The following VCAN variants were observed in gnomAD, a reference collection of about 807,000 sequenced individuals.
VCAN encodes versican, also known as versican core protein.
A neutral mutation model predicts 245.5 loss-of-function variants in VCAN; 44 were observed. The ratio of observed to expected loss-of-function variants is 0.18; its 90% CI spans 0.14 to 0.23. The LOEUF (loss-of-function observed/expected upper bound fraction) is 0.23, where lower values mean the gene tolerates loss of function less well. Ranked by LOEUF, VCAN falls within the 10% of genes least tolerant of loss-of-function variation. VCAN has a pLI of 1.00. For synonymous variants in VCAN, 1,413 were observed against 1,437.0 expected (o/e 0.98, Z 0.38); for missense variants, 3,793 against 4,057.9 (o/e 0.93, Z 1.77).
intron 12 of VCAN, among the ~76,000 whole-genome samples, chr5:83,571,480 AG>A (rs1428388243): frequency 7.2e-5 from 11 of 152,162 alleles, no homozygotes; most frequent in Admixed American, 7.2e-4. Context: ...CATCTATTAT[AG>A]ATGCTAAATA....
chr5:83,485,681 T>C (rs1306958624), intron 2 of VCAN, among the ~76,000 whole-genome samples: 3 of 152,004 alleles, frequency 2.0e-5, no homozygotes, highest in Admixed American at 6.6e-5. Flanking sequence ...GAGGAGTCAG[T>C]CCATCCACTG....
intron 7 of VCAN, chr5:83,534,307 GT>G (rs1746625562): frequency 6.6e-6 from 1 of 152,040 alleles, no homozygotes; most frequent in African/African-American, 2.4e-5. Context: ...TGGCCTAGGA[GT>G]TTGTAAATAT....
chr5:83,518,469 G>T (rs1745943299), intron 6 of VCAN, among the ~76,000 whole-genome samples: 1 of 152,132 alleles, frequency 6.6e-6, no homozygotes, highest in South Asian at 2.1e-4. Context: ...CCAGTGATTT[G>T]TAATTACAGA....
chr5:83,519,297 C>T (rs1745978129), intron 6 of VCAN, 52 bp from the exon 7 acceptor site: 1 of 1,596,278 alleles, frequency 6.3e-7, no homozygotes, highest in Non-Finnish European at 8.6e-7. Context: ...ACTGGGCATA[C>T]AAGTTTTTAT....
At chr5:83,506,591 C>T (rs1204650515) in intron 5 of VCAN, among the ~76,000 whole-genome samples, 4 of 152,178 alleles carry the variant, frequency 2.6e-5, no homozygotes, top group African/African-American at 9.7e-5. Flanking sequence ...CCACATTTTC[C>T]TCTCTTCTTC....
chr5:83,495,686 T>G (rs1290482287), intron 5 of VCAN, among the ~76,000 whole-genome samples: 1 of 152,228 alleles, frequency 6.6e-6, no homozygotes, highest in Non-Finnish European at 1.5e-5. Flanking sequence ...ACAAGGGTGA[T>G]AGTTATAAAC....
At position 83,539,214 on chromosome 5, in the gene VCAN, G is replaced by A; in HGVS notation, c.6211G>A (p.Ala2071Thr). Residue 2071 changes from alanine to threonine, a missense_variant, in exon 8 of 15, where the codon GCT becomes ACT. This residue lies in a region of VCAN where 3,182 missense variants were observed against 3,250.3 expected (regional missense o/e 0.98). Coordinates refer to ENST00000265077, the MANE Select transcript of VCAN (RefSeq NM_004385.5). ...AACAGCAGAAGTGGAAGGTACGAAA[G>A]CTCCAGTAGAGAAGGAGGAAGTAAA... Reference protein sequence around the residue: ...LPTAEVEGTKAPVEKEEVKVS... With the variant: ...LPTAEVEGTKTPVEKEEVKVS... 2 of 1,614,032 alleles carry A rather than the reference G, an allele frequency of 1.2e-6. No individual in the cohort carries two copies. The highest frequency in any genetic ancestry group is 2.2e-5 in the East Asian group (1 of 44,860).
intron 6 of VCAN, among the ~76,000 whole-genome samples, chr5:83,514,138 A>G (rs1480664656): frequency 1.3e-5 from 2 of 152,218 alleles, no homozygotes; most frequent in Non-Finnish European, 2.9e-5. Context: ...CAAAATCTGC[A>G]CAAAATTCAA....
At position 83,538,703 on chromosome 5, in the gene VCAN, C is replaced by G. The variant is rs1196380019; in HGVS notation, c.5700C>G (p.Thr1900=). 2 of 1,614,016 alleles carry G rather than the reference C, an allele frequency of 1.2e-6. No individual in the cohort carries two copies. Among genetic ancestry groups the G allele is most frequent in the Non-Finnish European group, 1.7e-6 (2 of 1,179,982 alleles). Residue 1900 remains threonine, a synonymous_variant, in exon 8 of 15, where the codon ACC becomes ACG. Coordinates refer to ENST00000265077, the MANE Select transcript of VCAN (RefSeq NM_004385.5). The part of the protein sequence containing the change: ...VMDRVVAENI[T]QTSREIVISE... Reference sequence around the variant, plus strand: ...ACAGAGTAGTTGCTGAAAATATAACCCAAACATCCAGGGAAATAGTGATTT... The same window carrying G: ...ACAGAGTAGTTGCTGAAAATATAACGCAAACATCCAGGGAAATAGTGATTT...
At chr5:83,482,590 A>G (rs1273867814) in intron 1 of VCAN, among the ~76,000 whole-genome samples, 3 of 152,194 alleles carry the variant, frequency 2.0e-5, no homozygotes. Context: ...CACAACTGTA[A>G]AAACCAAATA....
rs748852183 is a variant in VCAN at position 83,581,012 on chromosome 5, G to C, written c.*578G>C. On this transcript the variant is annotated 3_prime_UTR_variant, in exon 15 of 15. Transcript: ENST00000265077. The stretch of plus-strand genomic sequence containing the variant: ...CTTGTAGGTCATTGCACCTATCTCA[G>C]CCATAGGTGCAGTTTGCTTCTACAT... 1 of 170,130 alleles carries C rather than the reference G, an allele frequency of 5.9e-6. No homozygotes were observed. Among genetic ancestry groups the C allele is most frequent in the Non-Finnish European group, 1.3e-5 (1 of 77,930 alleles). The allele number at this position is 170,130 out of a possible 1,614,324, so 10.5% of individuals were successfully genotyped here.
chr5:83,478,351 A>G (rs1744472701), intron 1 of VCAN, among the ~76,000 whole-genome samples: 1 of 152,226 alleles, frequency 6.6e-6, no homozygotes, highest in African/African-American at 2.4e-5. Flanking sequence ...CTCTACTTCA[A>G]AAAATAATTT....
intron 7 of VCAN, among the ~76,000 whole-genome samples, chr5:83,524,106 G>T (rs948383136): frequency 3.3e-5 from 5 of 152,074 alleles, no homozygotes; most frequent in Non-Finnish European, 7.4e-5. Flanking sequence ...GAAACTGCCA[G>T]TTAGGAAGTC....
chr5:83,522,459 A>G, intron 7 of VCAN, 150 bp downstream of exon 7: 1 of 840,734 alleles, frequency 1.2e-6, no homozygotes, highest in Non-Finnish European at 1.8e-6. Context: ...ATATATTTGT[A>G]CAAGAATTGG....
intron 12 of VCAN, among the ~76,000 whole-genome samples, chr5:83,564,194 A>T (rs1747989352): frequency 1.3e-5 from 2 of 151,852 alleles, no homozygotes; most frequent in African/African-American, 4.8e-5. Flanking sequence ...TTTTATTTTT[A>T]TTTTTTTATT....
Position 83,542,720 on chromosome 5 carries a change from T to A in VCAN, c.9265+452T>A, listed in dbSNP as rs540824061. Among the ~76,000 whole-genome samples the A allele has an allele frequency of 3.3e-5, 5 of 152,340 alleles. No homozygotes were observed. In the East Asian group the frequency reaches 9.6e-4, roughly 29 times the overall value. On this transcript the variant is annotated intron_variant, in intron 8 of 14. Coordinates refer to ENST00000265077, the MANE Select transcript of VCAN (RefSeq NM_004385.5). ...TCAGGCCTTTAACATTTGGGAGTAGTACGTAGCTCTAATAATTATTTCAGA... is the reference window on the plus strand; with the variant it reads ...TCAGGCCTTTAACATTTGGGAGTAGAACGTAGCTCTAATAATTATTTCAGA...
chr5:83,578,253 T>C (rs568159281), intron 13 of VCAN, among the ~76,000 whole-genome samples: 41 of 152,088 alleles, frequency 2.7e-4, no homozygotes, highest in East Asian at 1.9e-3. Flanking sequence ...ATACTGCGTA[T>C]TTTCACTTAT....
At chr5:83,552,394 A>G (rs913491384) in intron 10 of VCAN, among the ~76,000 whole-genome samples, 5 of 152,196 alleles carry the variant, frequency 3.3e-5, no homozygotes, top group Non-Finnish European at 5.9e-5. Flanking sequence ...TAGTTTTTAC[A>G]TGTAACTACT....
At chr5:83,546,597 A>AG (rs200445290) in intron 9 of VCAN, among the ~76,000 whole-genome samples, 3,848 of 151,380 alleles carry the variant, frequency 0.025, 62 homozygotes, top group Middle Eastern at 0.068. Flanking sequence ...CTCTGCAAAA[A>AG]AAAAAAAAAA....
Sources: gnomAD v4.1 joint callset for allele counts (sites outside exome capture counted in the v4.1 genomes callset) on GRCh38, gnomAD v4.1.1 for gene constraint, gnomAD v4.1.1 regional missense constraint, MANE v1.5 for transcripts, NCBI Gene and HGNC (gene_info 2026-07-23, HGNC 2026-07-21) for gene names.